The following USH2A variants were observed in gnomAD, a reference collection of about 807,000 sequenced individuals.
The protein encoded by USH2A is Usher syndrome 2A (autosomal recessive, mild).
In USH2A, 443 loss-of-function variants were observed where a neutral mutation model predicts 538.9. The observed-to-expected ratio is 0.82, with a 90% CI of 0.76 to 0.89. USH2A has a LOEUF of 0.89. USH2A is among the 40% of genes least tolerant of loss of function. The probability of loss-of-function intolerance (pLI) is 0.00; values close to 1 mark genes in which losing one functional copy is unlikely to be tolerated. For missense variants in USH2A, 6,633 were observed against 6,324.8 expected (o/e 1.05, Z -1.65); for synonymous variants, 2,413 against 2,273.5 (o/e 1.06, Z -1.75).
intron 21 of USH2A, among the ~76,000 whole-genome samples, chr1:216,136,465 GT>G (rs2033488494): frequency 1.3e-5 from 2 of 152,126 alleles, no homozygotes; most frequent in Admixed American, 1.3e-4. Flanking sequence ...TAAGGAATTA[GT>G]TGGAGTTGTT....
intron 64 of USH2A, among the ~76,000 whole-genome samples, chr1:215,658,265 TC>T (rs1172183419): frequency 6.6e-6 from 1 of 151,884 alleles, no homozygotes; most frequent in Admixed American, 6.6e-5. Context: ...TTTTTTTTTT[TC>T]TTATATCTGC....
chr1:215,898,532 G>A (rs1665407562), intron 40 of USH2A, among the ~76,000 whole-genome samples: 1 of 152,060 alleles, frequency 6.6e-6, no homozygotes, highest in Non-Finnish European at 1.5e-5. Context: ...GGAGATTACC[G>A]CTGAGGAAGT....
intron 61 of USH2A, among the ~76,000 whole-genome samples, chr1:215,693,893 TTAACTATACTATATC>T (rs1658705138): frequency 1.3e-5 from 2 of 152,132 alleles, no homozygotes; most frequent in Non-Finnish European, 2.9e-5. Context: ...TGAGTACTGC[TTAACTATACTATATC>T]CCACTTTAAT....
At chr1:215,634,953 CACT>C (rs953465563) in intron 69 of USH2A, among the ~76,000 whole-genome samples, 2 of 152,180 alleles carry the variant, frequency 1.3e-5, no homozygotes, top group African/African-American at 4.8e-5. Context: ...TGGAAATCAC[CACT>C]GTCTTGACAA....
intron 21 of USH2A, among the ~76,000 whole-genome samples, chr1:216,147,690 A>T (rs1438557894): frequency 2.0e-5 from 3 of 150,582 alleles, no homozygotes; most frequent in Non-Finnish European, 4.4e-5. Context: ...CCATAATAGA[A>T]AAAAGTTGCA....
chr1:215,855,738 T>G (rs952959753), intron 44 of USH2A, among the ~76,000 whole-genome samples: 1 of 151,956 alleles, frequency 6.6e-6, no homozygotes, highest in Non-Finnish European at 1.5e-5. Flanking sequence ...AGCAAGACTA[T>G]GCTAAAAGGA....
intron 4 of USH2A, among the ~76,000 whole-genome samples, chr1:216,342,147 C>T (rs536180275): frequency 6.6e-5 from 10 of 152,060 alleles, no homozygotes; most frequent in African/African-American, 2.4e-4. Flanking sequence ...AACAAATGTA[C>T]AAGAAGAAAA....
chr1:215,658,534 G>GC (rs1292662882), intron 64 of USH2A, among the ~76,000 whole-genome samples: 2 of 152,128 alleles, frequency 1.3e-5, no homozygotes, highest in Admixed American at 1.3e-4. Context: ...TGACATAAAA[G>GC]CCCAAACTCT....
At chr1:216,096,063 CT>C (rs985921749) in intron 22 of USH2A, among the ~76,000 whole-genome samples, 27 of 152,154 alleles carry the variant, frequency 1.8e-4, no homozygotes, top group South Asian at 1.7e-3. Context: ...AATACAATAC[CT>C]AATATCAAAT....
intron 38 of USH2A, among the ~76,000 whole-genome samples, chr1:215,902,588 G>A (rs1304346393): frequency 6.6e-6 from 1 of 152,106 alleles, no homozygotes; most frequent in African/African-American, 2.4e-5. Flanking sequence ...TAAGTGCTTT[G>A]TAGAAAAATA....
intron 4 of USH2A, among the ~76,000 whole-genome samples, chr1:216,357,033 A>G (rs981646872): frequency 6.6e-6 from 1 of 152,088 alleles, no homozygotes; most frequent in African/African-American, 2.4e-5. Flanking sequence ...GTGTTTCTGG[A>G]CATGGTATCG....
At chr1:216,260,994 G>T (rs555598338) in intron 11 of USH2A, among the ~76,000 whole-genome samples, 2 of 152,138 alleles carry the variant, frequency 1.3e-5, no homozygotes, top group African/African-American at 2.4e-5. Context: ...AAGCTGTATT[G>T]CTGCTCATAA....
At chr1:216,151,081 C>A (rs1023979943) in intron 21 of USH2A, among the ~76,000 whole-genome samples, 1 of 152,090 alleles carries the variant, frequency 6.6e-6, no homozygotes, top group Non-Finnish European at 1.5e-5. Context: ...TATACCCAGC[C>A]CCGAAAATAA....
intron 32 of USH2A, among the ~76,000 whole-genome samples, chr1:216,040,784 T>A (rs1204322888): frequency 1.3e-5 from 2 of 152,024 alleles, no homozygotes; most frequent in East Asian, 1.9e-4. Context: ...GATTATGTTT[T>A]TAATCATAAG....
intron 3 of USH2A, among the ~76,000 whole-genome samples, chr1:216,387,690 T>C (rs1032925020): frequency 1.3e-5 from 2 of 152,182 alleles, no homozygotes; most frequent in Non-Finnish European, 2.9e-5. Context: ...AATAATACCC[T>C]TTATAGATCC....
chr1:215,900,685 C>T (rs532484845), intron 39 of USH2A, 70 bp downstream of exon 39: 9 of 1,604,654 alleles, frequency 5.6e-6, no homozygotes, highest in East Asian at 4.5e-5. Context: ...GAGAACTGAC[C>T]TACTCTTCAA....
intron 32 of USH2A, among the ~76,000 whole-genome samples, chr1:216,001,431 T>C (rs753033503): frequency 4.6e-5 from 7 of 152,184 alleles, no homozygotes; most frequent in African/African-American, 7.2e-5. Flanking sequence ...ATTGTCTGTC[T>C]TTCTAATAGA....
rs1215634933 is a variant in USH2A, at chr1:216,207,346, A to G, written c.3243T>C (p.Asn1081=). The G allele has an allele frequency of 6.2e-7, 1 of 1,613,978 alleles. No individual in the cohort carries two copies. The highest frequency in any genetic ancestry group is 1.3e-5 in the African/African-American group (1 of 74,948). The change falls in exon 16 of 72, where the codon AAT becomes AAC. Residue 1081 remains asparagine (N), a synonymous_variant. Transcript: ENST00000307340. ...GTAAACTGTAAGTAAGCCAGTGGGCATTTGGAGAATCAGGTGGACTCCAGG... is the reference window on the plus strand; with the variant it reads ...GTAAACTGTAAGTAAGCCAGTGGGCGTTTGGAGAATCAGGTGGACTCCAGG... ...NLSWSPPDSP[N]AHWLTYSLLR...
chr1:216,322,625 G>T (rs1173019082), intron 8 of USH2A, among the ~76,000 whole-genome samples: 1 of 147,956 alleles, frequency 6.8e-6, no homozygotes, highest in Non-Finnish European at 1.5e-5. Context: ...AAAAAAGAAA[G>T]AAAAAAGAAT....
Sources: gnomAD v4.1 joint callset for allele counts (sites outside exome capture counted in the v4.1 genomes callset) on GRCh38, gnomAD v4.1.1 for gene constraint, MANE v1.5 for transcripts, NCBI Gene and HGNC (gene_info 2026-07-23, HGNC 2026-07-21) for gene names.